NRXN1: variants seen among roughly 807,000 people sequenced by gnomAD.
NRXN1 encodes neurexin-1.
Under a neutral mutation model 150.9 loss-of-function variants are expected in NRXN1, and 39 were observed. The ratio of observed to expected loss-of-function variants is 0.26; its 90% CI spans 0.20 to 0.34. The LOEUF (loss-of-function observed/expected upper bound fraction) is 0.34, where lower values mean the gene tolerates loss of function less well. Among genes scored for constraint, NRXN1 ranks in the 10% least tolerant of loss-of-function variants. NRXN1 has a pLI of 1.00. For missense variants in NRXN1, 1,815 were observed against 1,949.9 expected, an observed-to-expected ratio of 0.93 and a Z score of 1.30; for synonymous variants, 924 against 757.0, an observed-to-expected ratio of 1.22 and a Z score of -3.62.
At chr2:50,098,933 G>C (rs971432975) in intron 18 of NRXN1, among the ~76,000 whole-genome samples, 1 of 130,308 alleles carries the variant, frequency 7.7e-6, no homozygotes, top group Non-Finnish European at 1.6e-5. Flanking sequence ...AAGTGGGCAA[G>C]ATATGTGGGC....
chr2:50,648,650 G>A (rs1685156354), intron 5 of NRXN1, among the ~76,000 whole-genome samples: 2 of 151,924 alleles, frequency 1.3e-5, no homozygotes, highest in African/African-American at 4.8e-5. Context: ...GCATCTCTGT[G>A]ATCTGTAATT....
intron 1 of NRXN1, among the ~76,000 whole-genome samples, chr2:51,029,438 G>A (rs887700807): frequency 6.6e-6 from 1 of 152,158 alleles, no homozygotes; most frequent in Non-Finnish European, 1.5e-5. Context: ...TTGGTAACCC[G>A]AAGTTTTAAA....
chr2:50,738,128 T>G (rs1222295007), intron 5 of NRXN1, among the ~76,000 whole-genome samples: 1 of 152,236 alleles, frequency 6.6e-6, no homozygotes, highest in African/African-American at 2.4e-5. Flanking sequence ...TTTCAGATCA[T>G]GTTAACTTGA....
intron 17 of NRXN1, among the ~76,000 whole-genome samples, chr2:50,443,464 T>C (rs77991608): frequency 2.0e-3 from 306 of 152,286 alleles, no homozygotes; most frequent in African/African-American, 6.9e-3. Flanking sequence ...CATGTTCTTA[T>C]TATCTGTTTG....
chr2:50,016,588 A>C (rs1018248553), intron 21 of NRXN1: 2 of 152,150 alleles, frequency 1.3e-5, no homozygotes, highest in African/African-American at 4.8e-5. Flanking sequence ...CGCAGAAGAG[A>C]GAAATTAGTG....
At chr2:50,846,477 C>T (rs1478240007) in intron 5 of NRXN1, among the ~76,000 whole-genome samples, 1 of 151,964 alleles carries the variant, frequency 6.6e-6, no homozygotes, top group Non-Finnish European at 1.5e-5. Flanking sequence ...TTAGCTCATG[C>T]TACTGTGTTT....
chr2:50,720,535 A>G (rs1696508403), intron 5 of NRXN1, among the ~76,000 whole-genome samples: 1 of 152,204 alleles, frequency 6.6e-6, no homozygotes, highest in South Asian at 2.1e-4. Flanking sequence ...TGCCTGAAAC[A>G]GGTATTTGCA....
At chr2:50,340,744 C>G (rs145847260) in intron 17 of NRXN1, among the ~76,000 whole-genome samples, 1 of 151,886 alleles carries the variant, frequency 6.6e-6, no homozygotes, top group Non-Finnish European at 1.5e-5. Context: ...CAGAGAAAAA[C>G]GAAACAAGAA....
chr2:50,645,840 A>G (rs902258954), intron 5 of NRXN1, among the ~76,000 whole-genome samples: 1 of 151,986 alleles, frequency 6.6e-6, no homozygotes, highest in African/African-American at 2.4e-5. Context: ...GATCGAGAAT[A>G]GCTTTTCTTT....
intron 15 of NRXN1, among the ~76,000 whole-genome samples, chr2:50,482,616 G>C (rs528384476): frequency 9.2e-5 from 14 of 152,194 alleles, no homozygotes; most frequent in African/African-American, 3.4e-4. Context: ...AGTTTGAAAG[G>C]TGCTTTTTTC....
intron 5 of NRXN1, among the ~76,000 whole-genome samples, chr2:50,799,756 A>G (rs1707332289): frequency 6.6e-6 from 1 of 152,158 alleles, no homozygotes; most frequent in Non-Finnish European, 1.5e-5. Context: ...ATGTTCAGTA[A>G]GTTAGGTGTA....
chr2:50,621,372 A>G, intron 6 of NRXN1, 123 bp from the exon 7 acceptor site: 3 of 663,104 alleles, frequency 4.5e-6, no homozygotes, highest in Non-Finnish European at 7.4e-6. Flanking sequence ...CGGTTAGTAG[A>G]ATGAAACATT....
At chr2:50,985,539 G>A (rs1290342612) in intron 2 of NRXN1, 2 of 151,480 alleles carry the variant, frequency 1.3e-5, no homozygotes, top group African/African-American at 4.8e-5. Context: ...AGATCTACAA[G>A]AACTCAGAAA....
intron 17 of NRXN1, among the ~76,000 whole-genome samples, chr2:50,358,309 C>A (rs775392076): frequency 6.6e-6 from 1 of 152,188 alleles, no homozygotes. Flanking sequence ...CCCCTGGAGT[C>A]CAGCAAGCTA....
At chr2:50,621,336 GT>G in intron 6 of NRXN1, 87 bp from the exon 7 acceptor site, 1 of 1,011,098 alleles carries the variant, frequency 9.9e-7, no homozygotes, top group South Asian at 1.5e-5. Context: ...TCTCTACCAT[GT>G]TAGTACATTT....
chr2:49,952,249 A>G (rs1201986318), intron 21 of NRXN1, among the ~76,000 whole-genome samples: 1 of 152,086 alleles, frequency 6.6e-6, no homozygotes, highest in African/African-American at 2.4e-5. Context: ...AAGATACATG[A>G]TAAGATAAAC....
chr2:49,987,567 C>T (rs912390215), intron 21 of NRXN1, among the ~76,000 whole-genome samples: 4 of 152,102 alleles, frequency 2.6e-5, no homozygotes, highest in Non-Finnish European at 5.9e-5. Flanking sequence ...TGTACCTCAA[C>T]ATGTAATATT....
chr2:50,139,773 C>T, intron 18 of NRXN1, among the ~76,000 whole-genome samples: 1 of 151,940 alleles, frequency 6.6e-6, no homozygotes, highest in East Asian at 1.9e-4. Flanking sequence ...TCTATCTATA[C>T]TAAGGAAACA....
At chr2:51,023,026 A>G (rs1483476833) in intron 2 of NRXN1, among the ~76,000 whole-genome samples, 1 of 152,162 alleles carries the variant, frequency 6.6e-6, no homozygotes, top group African/African-American at 2.4e-5. Flanking sequence ...TGAACAATCA[A>G]TGGCCTTACA....
Sources: allele counts gnomAD v4.1 joint callset (sites outside exome capture counted in the v4.1 genomes callset), GRCh38; gene constraint gnomAD v4.1.1; transcripts MANE v1.5; gene names NCBI Gene and HGNC (gene_info 2026-07-23, HGNC 2026-07-21).